The following PCDH10 variants were observed in gnomAD, a reference collection of about 807,000 sequenced individuals.
PCDH10 encodes the protein protocadherin-10.
PCDH10 carries 15 observed loss-of-function variants against 74.4 expected under a neutral mutation model. The ratio of observed to expected loss-of-function variants is 0.20; its 90% confidence interval spans 0.13 to 0.31. PCDH10 has a LOEUF of 0.31. Ranked by LOEUF, PCDH10 falls within the 10% of genes least tolerant of loss-of-function variation. The probability of loss-of-function intolerance (pLI) is 1.00; values close to 1 mark genes in which losing one functional copy is unlikely to be tolerated. For synonymous variants in PCDH10, 619 were observed against 589.8 expected, an observed-to-expected ratio of 1.05 and a Z score of -0.72; for missense variants, 1,260 against 1,390.2, an observed-to-expected ratio of 0.91 and a Z score of 1.49.
At chr4:133,175,498 G>A (rs1727280205) in intron 4 of PCDH10, among the ~76,000 whole-genome samples, 1 of 151,942 alleles carries the variant, frequency 6.6e-6, no homozygotes, top group Non-Finnish European at 1.5e-5. Context: ...TATGTTTCAT[G>A]AACTCATTAC....
In PCDH10 at chr4:133,152,148, T is replaced by C. The variant is rs1726725314; in HGVS notation, c.2008T>C (p.Ser670Pro). ...VRDHGQPPLSSTATLVVQLVD... is the reference protein window; with the variant it reads ...VRDHGQPPLSPTATLVVQLVD... ...CGACCATGGGCAGCCGCCCCTTTCC[T>C]CCACCGCCACCCTGGTGGTTCAGCT... Residue 670 changes from serine to proline, a missense_variant, in exon 1 of 5, where the codon TCC becomes CCC. Coordinates refer to ENST00000264360, the MANE Select transcript of PCDH10 (RefSeq NM_032961.3). The C allele has an allele frequency of 6.4e-7, 1 of 1,565,126 alleles. No individual in the cohort carries two copies. The highest frequency in any genetic ancestry group is 8.6e-7 in the Non-Finnish European group (1 of 1,156,478).
rs1486521943 is a variant in PCDH10 at position 133,152,484 on chromosome 4, C to G, written c.2344C>G (p.Leu782Val). 3 of 1,614,054 alleles carry G rather than the reference C, an allele frequency of 1.9e-6. No homozygotes were observed. In the Admixed American group the frequency reaches 5.0e-5, roughly 27 times the overall value. ...CCAAGCCCGGGCGCGCAAGAAGAAA[C>G]TCAGCAAGTCAGACATCATGCTGGT... ...GRQARARKKK[L>V]SKSDIMLVQS... is the part of the protein sequence containing the mutation. The change falls in exon 1 of 5, where the codon CTC (leucine) becomes GTC (valine). Residue 782 changes from leucine to valine, a missense_variant. Coordinates refer to ENST00000264360, the MANE Select transcript of PCDH10 (RefSeq NM_032961.3).
chr4:133,177,080 A>C (rs2125868573), intron 4 of PCDH10, among the ~76,000 whole-genome samples: 1 of 151,978 alleles, frequency 6.6e-6, no homozygotes, highest in South Asian at 2.1e-4. Context: ...CTTATACAAA[A>C]TATTGTTACC....
chr4:133,173,151 G>C (rs566220895), intron 4 of PCDH10, among the ~76,000 whole-genome samples: 1 of 152,086 alleles, frequency 6.6e-6, no homozygotes, highest in African/African-American at 2.4e-5. Flanking sequence ...GTGACAAATT[G>C]TGGACTATGA....
chr4:133,157,380 G>C (rs149087731), intron 3 of PCDH10, among the ~76,000 whole-genome samples: 165 of 152,140 alleles, frequency 1.1e-3, no homozygotes, highest in African/African-American at 3.8e-3. Context: ...CTCACATCAG[G>C]CAGCTAGACT....
At chr4:133,168,298 T>G (rs1378032165) in intron 4 of PCDH10, among the ~76,000 whole-genome samples, 2 of 151,448 alleles carry the variant, frequency 1.3e-5, no homozygotes, top group Non-Finnish European at 3.0e-5. Context: ...GTAAGCAATT[T>G]TTTTTTTACT....
At chr4:133,182,111 GCACAT>G (rs1186157687) in intron 4 of PCDH10, among the ~76,000 whole-genome samples, 1 of 151,886 alleles carries the variant, frequency 6.6e-6, no homozygotes, top group African/African-American at 2.4e-5. Context: ...ATGAAGTTGC[GCACAT>G]CACAAGTAGC....
intron 4 of PCDH10, among the ~76,000 whole-genome samples, chr4:133,189,700 A>C (rs1464343206): frequency 1.3e-5 from 2 of 152,074 alleles, no homozygotes; most frequent in East Asian, 3.8e-4. Flanking sequence ...TTTCCATAAT[A>C]AATATTGGTT....
At position 133,151,535 on chromosome 4, in the gene PCDH10, G is replaced by A. The variant is rs1157153017; in HGVS notation, c.1395G>A (p.Gln465=). Residue 465 remains glutamine, a synonymous_variant, in exon 1 of 5, where the codon CAG becomes CAA. Transcript: ENST00000264360. ...ACGACAACGCGCCGCGTTTCAGCCAGCCGGTCTACGACGTGTATGTGACTG... is the reference window on the plus strand; with the variant it reads ...ACGACAACGCGCCGCGTTTCAGCCAACCGGTCTACGACGTGTATGTGACTG... ...DVNDNAPRFS[Q]PVYDVYVTEN... 4 of 1,614,126 alleles carry A rather than the reference G, an allele frequency of 2.5e-6. No individual in the cohort carries two copies. Among genetic ancestry groups the A allele is most frequent in the Non-Finnish European group, 3.4e-6 (4 of 1,180,034 alleles).
In PCDH10 at chr4:133,193,248, C is replaced by T. The variant is rs1727718702; in HGVS notation, c.*3088C>T. The T allele has an allele frequency of 6.6e-6, 1 of 151,612 alleles. No individual in the cohort carries two copies. The highest frequency in any genetic ancestry group is 2.4e-5 in the African/African-American group (1 of 41,384). The allele number at this position is 151,612 out of a possible 1,614,324, so 9.4% of individuals were successfully genotyped here. On this transcript the variant is annotated 3_prime_UTR_variant, in exon 5 of 5. Transcript: ENST00000264360. ...TAAATATCACATCAGAATTACTTCACAGATATAATAGCGTCAATGATATAT... is the reference window on the plus strand; with the variant it reads ...TAAATATCACATCAGAATTACTTCATAGATATAATAGCGTCAATGATATAT...
At chr4:133,207,361 T>C (rs533011970) in intron 2 of PCDH10, among the ~76,000 whole-genome samples, 182 of 152,350 alleles carry the variant, frequency 1.2e-3, no homozygotes, top group African/African-American at 4.1e-3. Context: ...TTGAGGTCAA[T>C]TTAATTACAC....
intron 2 of PCDH10, among the ~76,000 whole-genome samples, chr4:133,205,525 T>C (rs1474727199): frequency 1.3e-5 from 2 of 152,168 alleles, no homozygotes; most frequent in Non-Finnish European, 2.9e-5. Flanking sequence ...TGCAGTCACT[T>C]TGTGAGCTCT....
chr4:133,171,461 A>T (rs1300231274), intron 4 of PCDH10, among the ~76,000 whole-genome samples: 3 of 152,202 alleles, frequency 2.0e-5, no homozygotes, highest in African/African-American at 7.2e-5. Context: ...CACCTTGGAT[A>T]CAGAAATAGT....
At chr4:133,195,251 AT>A, downstream of PCDH10, among the ~76,000 whole-genome samples, 1 of 152,136 alleles carries the variant, frequency 6.6e-6, no homozygotes. Flanking sequence ...TCTGTAACTG[AT>A]TTTCTTGAGT....
At position 133,152,170 on chromosome 4, in the gene PCDH10, A is replaced by G; in HGVS notation, c.2030A>G (p.Gln677Arg). 6.4e-7 allele frequency: 1 copy of G among 1,569,306 alleles called. No individual in the cohort carries two copies. The highest frequency in any genetic ancestry group is 8.6e-7 in the Non-Finnish European group (1 of 1,158,110). The change falls in exon 1 of 5, where the codon CAG becomes CGG. Residue 677 changes from glutamine to arginine, a missense_variant. Around this residue, in one of 11 missense-constraint regions of PCDH10, gnomAD observed 587 missense variants for 616.9 expected, o/e 0.95. Transcript: ENST00000264360. ...PLSSTATLVV[Q>R]LVDGAVEPQG... ...TCCTCCACCGCCACCCTGGTGGTTC[A>G]GCTGGTGGATGGCGCCGTGGAGCCC...
rs1727651325 is a variant in PCDH10, at chr4:133,190,837, TAC to T, written c.*679_*680del. 1 of 151,852 alleles carries T rather than the reference TAC, an allele frequency of 6.6e-6. No individual in the cohort carries two copies. The highest frequency in any genetic ancestry group is 1.5e-5 in the Non-Finnish European group (1 of 67,804). 9.4% of individuals were successfully genotyped at this position (151,852 alleles called of 1,614,324 possible). ...AAATGGATGCATACAGTCCACATCA[TAC>T]AATAAAATAAAAGGTAATTCAGGGT... On this transcript the variant is annotated 3_prime_UTR_variant, in exon 5 of 5. Transcript: ENST00000264360.
Position 133,150,852 on chromosome 4 carries a change from A to C in PCDH10, c.712A>C (p.Ile238Leu). ...QQRTGTALLT[I>L]RVLDSNDNVP... ...GCGCACCGGCACGGCCCTACTCACC[A>C]TCCGAGTGCTGGACTCCAATGACAA... The change falls in exon 1 of 5, where the codon ATC becomes CTC. Residue 238 changes from isoleucine (I) to leucine (L), a missense_variant. By Grantham distance (5) the Ile-to-Leu change is conservative (BLOSUM62 2). Transcript: ENST00000264360. The C allele has an allele frequency of 6.2e-7, 1 of 1,604,504 alleles. No individual in the cohort carries two copies. The highest frequency in any genetic ancestry group is 8.5e-7 in the Non-Finnish European group (1 of 1,176,762).
intron 4 of PCDH10, among the ~76,000 whole-genome samples, chr4:133,189,826 A>C (rs538342615): frequency 2.0e-5 from 3 of 152,232 alleles, no homozygotes; most frequent in Admixed American, 6.6e-5. Context: ...TACTCTGTGC[A>C]TAAATAGTGA....
chr4:133,156,016 G>A (rs552657795), intron 3 of PCDH10, among the ~76,000 whole-genome samples: 6 of 152,070 alleles, frequency 3.9e-5, no homozygotes, highest in African/African-American at 1.4e-4. Context: ...TGAAAATGTC[G>A]ATCTTAGACT....
Sources: allele counts gnomAD v4.1 joint callset (sites outside exome capture counted in the v4.1 genomes callset), GRCh38; gene constraint gnomAD v4.1.1; regional missense constraint gnomAD v4.1.1; transcripts MANE v1.5; gene names NCBI Gene and HGNC (gene_info 2026-07-23, HGNC 2026-07-21).